Variants in COL6A6 observed in about 807,000 individuals in gnomAD.
The protein encoded by COL6A6 is collagen type VI alpha 6 chain.
COL6A6 carries 183 observed loss-of-function variants against 208.6 expected under a neutral mutation model. The ratio of observed to expected loss-of-function variants is 0.88; its 90% confidence interval spans 0.78 to 0.99. The LOEUF (loss-of-function observed/expected upper bound fraction) is 0.99. COL6A6 is among the 50% of genes least tolerant of loss of function. The pLI, the probability that COL6A6 is intolerant of heterozygous loss-of-function variation, is 0.00. For missense variants in COL6A6, 2,816 were observed against 2,815.2 expected (o/e 1.00, Z -0.01); for synonymous variants, 973 against 1,011.8 (o/e 0.96, Z 0.73).
intron 32 of COL6A6, 65 bp downstream of exon 32, chr3:130,645,067 G>A: frequency 2.0e-6 from 3 of 1,489,054 alleles, no homozygotes; most frequent in South Asian, 2.3e-5. Context: ...CTGGAAAGAT[G>A]AGTTAGAGCA....
At chr3:130,674,931 A>C (rs941419213) in intron 36 of COL6A6, among the ~76,000 whole-genome samples, 1 of 152,210 alleles carries the variant, frequency 6.6e-6, no homozygotes, top group African/African-American at 2.4e-5. Flanking sequence ...CAATCAGAAG[A>C]ACCAACCATA....
At chr3:130,531,025 C>G (rs1281087334) in intron 1 of COL6A6, among the ~76,000 whole-genome samples, 1 of 48,568 alleles carries the variant, frequency 2.1e-5, no homozygotes, top group East Asian at 2.8e-4. Flanking sequence ...TACACACACA[C>G]ACACACACAC....
intron 8 of COL6A6, among the ~76,000 whole-genome samples, chr3:130,579,860 C>T (rs1056360318): frequency 6.6e-6 from 1 of 151,586 alleles, no homozygotes; most frequent in Non-Finnish European, 1.5e-5. Context: ...GGTTTGGTCT[C>T]TCTCACTGTA....
chr3:130,603,316 T>C (rs1200827329), intron 20 of COL6A6, among the ~76,000 whole-genome samples: 1 of 152,124 alleles, frequency 6.6e-6, no homozygotes, highest in Non-Finnish European at 1.5e-5. Context: ...CCTGTAACAA[T>C]GAAAAATGTC....
At chr3:130,525,951 A>G (rs543795774) in intron 1 of COL6A6, among the ~76,000 whole-genome samples, 35 of 152,276 alleles carry the variant, frequency 2.3e-4, no homozygotes, top group Middle Eastern at 3.4e-3. Context: ...ATGTAGTGAT[A>G]TATGTCATCA....
At chr3:130,578,890 C>T (rs1443702188) in intron 8 of COL6A6, among the ~76,000 whole-genome samples, 4 of 152,184 alleles carry the variant, frequency 2.6e-5, no homozygotes, top group South Asian at 4.1e-4. Flanking sequence ...GTCACTTCCA[C>T]GGTTAGCAGA....
intron 1 of COL6A6, among the ~76,000 whole-genome samples, chr3:130,555,129 C>T (rs911701619): frequency 4.6e-5 from 7 of 152,212 alleles, no homozygotes; most frequent in Admixed American, 2.6e-4. Flanking sequence ...TATGTTCCCA[C>T]ACCAAACTCT....
intron 33 of COL6A6, among the ~76,000 whole-genome samples, chr3:130,652,334 T>G (rs1325956688): frequency 6.6e-6 from 1 of 152,238 alleles, no homozygotes; most frequent in African/African-American, 2.4e-5. Context: ...GAGAGGTACC[T>G]CTTCTCATTC....
chr3:130,523,822 A>G (rs1230829235), intron 1 of COL6A6, among the ~76,000 whole-genome samples: 3 of 152,234 alleles, frequency 2.0e-5, no homozygotes, highest in Non-Finnish European at 1.5e-5. Context: ...TTGGAAATGC[A>G]AGTGATGTAA....
chr3:130,642,938 G>A, intron 30 of COL6A6, 49 bp from the exon 31 acceptor site: 1 of 1,612,924 alleles, frequency 6.2e-7, no homozygotes, highest in Non-Finnish European at 8.5e-7. Flanking sequence ...AAACCTCAGG[G>A]CCTAGCAGTT....
At chr3:130,539,995 G>A (rs963153581) in intron 1 of COL6A6, among the ~76,000 whole-genome samples, 4 of 151,904 alleles carry the variant, frequency 2.6e-5, no homozygotes, top group African/African-American at 9.7e-5. Flanking sequence ...CTCATTTATG[G>A]GTCCTTGCAA....
chr3:130,551,970 G>A (rs2062652572), intron 1 of COL6A6, among the ~76,000 whole-genome samples: 1 of 152,120 alleles, frequency 6.6e-6, no homozygotes, highest in South Asian at 2.1e-4. Flanking sequence ...GTTTGGTTTT[G>A]AGTGATCAGT....
intron 23 of COL6A6, among the ~76,000 whole-genome samples, chr3:130,619,965 C>T (rs2064661229): frequency 6.6e-6 from 1 of 152,158 alleles, no homozygotes; most frequent in South Asian, 2.1e-4. Context: ...GACAGAGTCT[C>T]ACTCTATCAC....
At chr3:130,571,865 T>G (rs11715078) in intron 7 of COL6A6, among the ~76,000 whole-genome samples, 3 of 128,074 alleles carry the variant, frequency 2.3e-5, no homozygotes, top group Non-Finnish European at 1.7e-5. Context: ...TTTTTTTTTG[T>G]GAAGACAGGG....
At chr3:130,674,869 A>G (rs1022055322) in intron 36 of COL6A6, among the ~76,000 whole-genome samples, 4 of 152,184 alleles carry the variant, frequency 2.6e-5, no homozygotes, top group African/African-American at 9.7e-5. Flanking sequence ...GATCTGGGAA[A>G]ACTATAGATA....
intron 8 of COL6A6, among the ~76,000 whole-genome samples, chr3:130,576,043 G>A (rs2063288162): frequency 1.3e-5 from 2 of 152,136 alleles, no homozygotes; most frequent in African/African-American, 4.8e-5. Flanking sequence ...GGAGATCAGA[G>A]GAGCCCACAA....
intron 20 of COL6A6, among the ~76,000 whole-genome samples, chr3:130,601,845 C>T (rs1046827099): frequency 5.9e-5 from 9 of 152,172 alleles, no homozygotes; most frequent in African/African-American, 1.2e-4. Context: ...TGACAAATGC[C>T]GGCCAACTGT....
At chr3:130,638,249 A>G (rs1403032563) in intron 28 of COL6A6, among the ~76,000 whole-genome samples, 1 of 152,158 alleles carries the variant, frequency 6.6e-6, no homozygotes, top group Non-Finnish European at 1.5e-5. Flanking sequence ...GCCTCTAAAT[A>G]TCATACTTAC....
chr3:130,638,523 G>A (rs146701983), intron 28 of COL6A6, among the ~76,000 whole-genome samples: 133 of 152,262 alleles, frequency 8.7e-4, no homozygotes, highest in South Asian at 2.5e-3. Context: ...TCTCTTCTGC[G>A]TTGGATCTCT....
Sources: gnomAD v4.1 joint callset for allele counts (sites outside exome capture counted in the v4.1 genomes callset) on GRCh38, gnomAD v4.1.1 for gene constraint, MANE v1.5 for transcripts, NCBI Gene and HGNC (gene_info 2026-07-23, HGNC 2026-07-21) for gene names.